Variants in RBPJ observed in about 807,000 individuals in gnomAD.
RBPJ encodes the protein recombining binding protein suppressor of hairless.
Under a neutral mutation model 67.8 loss-of-function variants are expected in RBPJ, and 9 were observed. The ratio of observed to expected loss-of-function variants is 0.13; its 90% CI spans 0.08 to 0.23. RBPJ has a LOEUF of 0.23. RBPJ is among the 10% of genes least tolerant of loss of function. The pLI is 1.00. For synonymous variants in RBPJ, 198 were observed against 203.3 expected, an observed-to-expected ratio of 0.97 and a Z score of 0.22; for missense variants, 305 against 595.6, an observed-to-expected ratio of 0.51 and a Z score of 5.08.
upstream of RBPJ, among the ~76,000 whole-genome samples, chr4:26,161,238 A>G (rs1484760348): frequency 1.3e-5 from 2 of 152,192 alleles, no homozygotes; most frequent in Non-Finnish European, 2.9e-5. Flanking sequence ...GACAGGCTAC[A>G]TGGGGCAGAA....
intron 1 of RBPJ, among the ~76,000 whole-genome samples, chr4:26,178,607 CAAAAAAAA>C (rs1173498137): frequency 3.1e-4 from 18 of 58,738 alleles, no homozygotes; most frequent in African/African-American, 1.4e-3. Flanking sequence ...GACCCCGTAT[CAAAAAAAA>C]AAAAAAAAAA....
At chr4:26,183,238 A>G (rs1258687864) in intron 1 of RBPJ, among the ~76,000 whole-genome samples, 1 of 152,220 alleles carries the variant, frequency 6.6e-6, no homozygotes, top group Non-Finnish European at 1.5e-5. Flanking sequence ...TGTGAGTAAC[A>G]CACTGGGCTG....
chr4:26,255,718 C>G lies in RBPJ; in HGVS notation c.-167+92104C>G, dbSNP rs552954617. On this transcript the variant is annotated intron_variant, in intron 1 of 4. Coordinates refer to the RBPJ transcript ENST00000512351. ...GCGGGAGGCTGAGGCAGGACAATGGCGTGAACCCGGGAGGCAGAGCTTGCA... is the reference window on the plus strand; with the variant it reads ...GCGGGAGGCTGAGGCAGGACAATGGGGTGAACCCGGGAGGCAGAGCTTGCA... Among the ~76,000 whole-genome samples the G allele has an allele frequency of 4.7e-3, 703 of 149,766 alleles. 4 individuals are homozygous for G. Among genetic ancestry groups the G allele is most frequent in the Non-Finnish European group, 5.5e-3 (375 of 67,776 alleles).
At chr4:26,144,785 G>A in the RBPJ span, among the ~76,000 whole-genome samples, 1 of 152,154 alleles carries the variant, frequency 6.6e-6, no homozygotes, top group Non-Finnish European at 1.5e-5. Context: ...CAGTTCCATT[G>A]TATAGCCTGG....
At chr4:26,311,458 G>C (rs548225781) in intron 1 of RBPJ, among the ~76,000 whole-genome samples, 135 of 152,058 alleles carry the variant, frequency 8.9e-4, no homozygotes, top group African/African-American at 3.1e-3. Context: ...TGAATTGCTT[G>C]AACCCAGGAG....
At chr4:26,177,510 G>C (rs1271568862) in intron 1 of RBPJ, among the ~76,000 whole-genome samples, 1 of 152,130 alleles carries the variant, frequency 6.6e-6, no homozygotes, top group Admixed American at 6.5e-5. Context: ...CCGAGAGGTG[G>C]AGGTTGCAGT....
At chr4:26,215,911 T>C (rs1275465913) in intron 1 of RBPJ, among the ~76,000 whole-genome samples, 1 of 152,214 alleles carries the variant, frequency 6.6e-6, no homozygotes, top group Non-Finnish European at 1.5e-5. Flanking sequence ...TTTCTAGGGC[T>C]GATGTAACAA....
chr4:26,251,732 C>A (rs1720117055), intron 1 of RBPJ, among the ~76,000 whole-genome samples: 1 of 150,468 alleles, frequency 6.6e-6, no homozygotes, highest in Non-Finnish European at 1.5e-5. Context: ...CCTGTATTCC[C>A]AGCTACTTGG....
chr4:26,366,040 C>T (rs562160146), intron 1 of RBPJ, among the ~76,000 whole-genome samples: 5 of 152,186 alleles, frequency 3.3e-5, no homozygotes, highest in Non-Finnish European at 7.3e-5. Flanking sequence ...CCCCCTACCC[C>T]CTAATGAAAC....
chr4:26,179,649 T>G (rs1247051816), intron 1 of RBPJ, among the ~76,000 whole-genome samples: 2 of 152,028 alleles, frequency 1.3e-5, no homozygotes, highest in African/African-American at 4.8e-5. Flanking sequence ...TGGCTATTAC[T>G]AAAAAGTCAA....
intron 1 of RBPJ, among the ~76,000 whole-genome samples, chr4:26,170,506 T>C (rs1716535124): frequency 6.7e-6 from 1 of 148,686 alleles, no homozygotes; most frequent in African/African-American, 2.5e-5. Context: ...GCAGTGCCAC[T>C]GCACTCCAGC....
the RBPJ span, among the ~76,000 whole-genome samples, chr4:26,149,443 G>A: frequency 1.3e-5 from 2 of 152,180 alleles, no homozygotes. Context: ...GTATCCGTGA[G>A]TGGGGAATCC....
upstream of RBPJ, among the ~76,000 whole-genome samples, chr4:26,318,996 CAAAAAAAAAAAAAA>C (rs201084739): frequency 1.2e-5 from 1 of 83,866 alleles, no homozygotes; most frequent in African/African-American, 3.4e-5. Flanking sequence ...GACTCCGTCT[CAAAAAAAAAAAAAA>C]AAAAAAAAAA....
chr4:26,109,286 A>G, the RBPJ span, among the ~76,000 whole-genome samples: 2 of 150,470 alleles, frequency 1.3e-5, no homozygotes, highest in Non-Finnish European at 3.0e-5. Flanking sequence ...CTGTATTTTT[A>G]GAAGAGATGG....
intron 3 of RBPJ, among the ~76,000 whole-genome samples, chr4:26,407,028 G>A (rs1733486985): frequency 1.3e-5 from 2 of 152,190 alleles, no homozygotes; most frequent in Admixed American, 1.3e-4. Flanking sequence ...TTTAATAAAG[G>A]TCATCTGGTT....
chr4:26,316,029 C>T (rs1012821231), upstream of RBPJ, among the ~76,000 whole-genome samples: 3 of 152,056 alleles, frequency 2.0e-5, no homozygotes, highest in Non-Finnish European at 2.9e-5. Context: ...TGTTCAAACA[C>T]ACGTTTTACA....
intron 1 of RBPJ, among the ~76,000 whole-genome samples, chr4:26,359,433 T>A (rs1043300241): frequency 8.7e-5 from 13 of 150,158 alleles, no homozygotes; most frequent in East Asian, 3.9e-4. Flanking sequence ...TTTTTTTTTT[T>A]AACATTTTGT....
At chr4:26,387,653 C>T (rs1731056159) in intron 2 of RBPJ, among the ~76,000 whole-genome samples, 1 of 152,084 alleles carries the variant, frequency 6.6e-6, no homozygotes, top group African/African-American at 2.4e-5. Context: ...TAAAGAGGTC[C>T]AGAGATCTAC....
intron 1 of RBPJ, among the ~76,000 whole-genome samples, chr4:26,192,900 T>A (rs1348792710): frequency 6.6e-6 from 1 of 152,114 alleles, no homozygotes; most frequent in Non-Finnish European, 1.5e-5. Context: ...ACATTAGAGA[T>A]CCTGAGATCG....
Sources: gnomAD v4.1 joint callset for allele counts (sites outside exome capture counted in the v4.1 genomes callset) on GRCh38, gnomAD v4.1.1 for gene constraint, MANE v1.5 for transcripts, NCBI Gene and HGNC (gene_info 2026-07-23, HGNC 2026-07-21) for gene names.